The following ANK2 variants were observed in gnomAD, a reference collection of about 807,000 sequenced individuals.
The protein encoded by ANK2 is ankyrin-2.
ANK2 carries 83 observed loss-of-function variants against 360.5 expected under a neutral mutation model. That is an observed-to-expected ratio of 0.23 (90% CI 0.19 to 0.28). The LOEUF (loss-of-function observed/expected upper bound fraction) is 0.28. Among genes scored for constraint, ANK2 ranks in the 10% least tolerant of loss-of-function variants. The pLI is 1.00. For missense variants in ANK2, 4,201 were observed against 4,795.7 expected (o/e 0.88, Z 3.66); for synonymous variants, 1,740 against 1,759.5 (o/e 0.99, Z 0.28).
intron 14 of ANK2, among the ~76,000 whole-genome samples, chr4:113,274,169 A>G (rs745898397): frequency 3.9e-5 from 6 of 152,342 alleles, no homozygotes; most frequent in African/African-American, 1.2e-4. Flanking sequence ...ATATTTAAAC[A>G]TAAGTGAGGC....
At chr4:113,066,813 T>C (rs1580582118) in intron 1 of ANK2, among the ~76,000 whole-genome samples, 1 of 152,086 alleles carries the variant, frequency 6.6e-6, no homozygotes. Flanking sequence ...GCATGTAACT[T>C]TGGGCAAGTA....
chr4:113,049,020 T>C, upstream of ANK2, among the ~76,000 whole-genome samples: 1 of 151,672 alleles, frequency 6.6e-6, no homozygotes, highest in East Asian at 1.9e-4. Flanking sequence ...ATCTGGGCAG[T>C]TGTGTAATAC....
intron 1 of ANK2, among the ~76,000 whole-genome samples, chr4:112,823,136 T>C (rs1481140449): frequency 6.6e-6 from 1 of 152,174 alleles, no homozygotes; most frequent in Non-Finnish European, 1.5e-5. Flanking sequence ...CAAAATTAGA[T>C]TGGGTGTTGT....
chr4:113,269,696 T>G (rs1414523524), intron 14 of ANK2, among the ~76,000 whole-genome samples: 1 of 124,488 alleles, frequency 8.0e-6, no homozygotes, highest in African/African-American at 3.0e-5. Context: ...CGCTGGGATC[T>G]GCAGATGGGA....
At chr4:112,781,827 A>ATTT in the ANK2 span, among the ~76,000 whole-genome samples, 616 of 124,730 alleles carry the variant, frequency 4.9e-3, 17 homozygotes, top group African/African-American at 7.0e-3. Context: ...TGATAACAGT[A>ATTT]TTTTTTTTTT....
chr4:112,916,811 A>G (rs138143422), intron 2 of ANK2, among the ~76,000 whole-genome samples: 18 of 152,354 alleles, frequency 1.2e-4, no homozygotes, highest in Non-Finnish European at 2.2e-4. Flanking sequence ...TTTCTATTCA[A>G]TGTATTTTAA....
At chr4:112,768,318 A>G in the ANK2 span, among the ~76,000 whole-genome samples, 3 of 152,102 alleles carry the variant, frequency 2.0e-5, no homozygotes, top group South Asian at 2.1e-4. Flanking sequence ...CAGTGGCACT[A>G]TCTTGGCTCA....
the ANK2 span, among the ~76,000 whole-genome samples, chr4:112,793,014 AC>A: frequency 2.0e-5 from 3 of 152,170 alleles, no homozygotes; most frequent in Admixed American, 6.5e-5. Flanking sequence ...ATATAAACTT[AC>A]AATTCCTTTC....
chr4:113,232,299 TA>T, intron 5 of ANK2, 40 bp downstream of exon 5: 1 of 1,405,636 alleles, frequency 7.1e-7, no homozygotes, highest in Non-Finnish European at 1.0e-6. Flanking sequence ...TCTTTGATCT[TA>T]ATGTCCATAT....
At position 113,332,477 on chromosome 4, in the gene ANK2, AG is replaced by A. The variant is rs1356457070; in HGVS notation, c.3224+409del. Among the ~76,000 whole-genome samples, 3 of 152,358 alleles carry A rather than the reference AG, an allele frequency of 2.0e-5. No individual in the cohort carries two copies. The East Asian group carries it at 5.8e-4, about 29-fold the overall frequency. On this transcript the variant is annotated intron_variant, in intron 28 of 45. Coordinates refer to ENST00000357077, the MANE Select transcript of ANK2 (RefSeq NM_001148.6). ...GCATGTTCCGGATCCTGAATATAAT[AG>A]GCATTGGACACAATTGGGCTGTCTG...
At chr4:112,719,450 C>A in the ANK2 span, among the ~76,000 whole-genome samples, 1 of 152,006 alleles carries the variant, frequency 6.6e-6, no homozygotes, top group Non-Finnish European at 1.5e-5. Context: ...ATAATTCGGC[C>A]GGGCACGGTG....
At chr4:113,072,777 T>C (rs1486168417) in intron 1 of ANK2, among the ~76,000 whole-genome samples, 2 of 146,222 alleles carry the variant, frequency 1.4e-5, no homozygotes, top group African/African-American at 2.6e-5. Flanking sequence ...CTGTCTTGTC[T>C]CTCCAGCAAG....
At chr4:112,822,850 A>G (rs1462864127) in intron 1 of ANK2, among the ~76,000 whole-genome samples, 1 of 150,176 alleles carries the variant, frequency 6.7e-6, no homozygotes, top group African/African-American at 2.5e-5. Flanking sequence ...GTTGAGATCA[A>G]TGCTAGACCC....
At chr4:113,148,312 T>A (rs2096909944) in intron 1 of ANK2, among the ~76,000 whole-genome samples, 2 of 152,214 alleles carry the variant, frequency 1.3e-5, no homozygotes, top group Non-Finnish European at 2.9e-5. Context: ...TTCCTTAGCA[T>A]AACAAATTAA....
intron 29 of ANK2, among the ~76,000 whole-genome samples, chr4:113,334,973 A>C (rs1214801834): frequency 3.3e-5 from 5 of 152,020 alleles, no homozygotes; most frequent in Non-Finnish European, 5.9e-5. Flanking sequence ...TTTTACTTTT[A>C]CTATCTAGCT....
intron 2 of ANK2, among the ~76,000 whole-genome samples, chr4:113,011,358 T>G (rs1310661696): frequency 2.0e-5 from 3 of 152,096 alleles, no homozygotes; most frequent in African/African-American, 7.2e-5. Flanking sequence ...TCTTTGGGCC[T>G]GAGAATTAAA....
chr4:113,307,765 C>A (rs1225931970), intron 23 of ANK2, among the ~76,000 whole-genome samples: 1 of 152,130 alleles, frequency 6.6e-6, no homozygotes, highest in Non-Finnish European at 1.5e-5. Flanking sequence ...GTTAAATATA[C>A]CACTCACTAT....
At chr4:113,175,419 C>T (rs2098155224) in intron 2 of ANK2, among the ~76,000 whole-genome samples, 1 of 152,192 alleles carries the variant, frequency 6.6e-6, no homozygotes, top group African/African-American at 2.4e-5. Flanking sequence ...CTAATTCCTA[C>T]CTGCTGATTT....
intron 22 of ANK2, among the ~76,000 whole-genome samples, chr4:113,293,876 G>A (rs973604828): frequency 2.0e-5 from 3 of 152,172 alleles, no homozygotes; most frequent in Non-Finnish European, 4.4e-5. Flanking sequence ...TGGCAAAGCG[G>A]TAACACACTC....
Sources: allele counts gnomAD v4.1 joint callset (sites outside exome capture counted in the v4.1 genomes callset), GRCh38; gene constraint gnomAD v4.1.1; transcripts MANE v1.5; gene names NCBI Gene and HGNC (gene_info 2026-07-23, HGNC 2026-07-21).